FBXL13: variants seen among roughly 807,000 people sequenced by gnomAD.
FBXL13 encodes F-box and leucine rich repeat protein 13, also known as F-box and leucine-rich repeat protein 13.
A neutral mutation model predicts 83.6 loss-of-function variants in FBXL13; 67 were observed. That is an observed-to-expected ratio of 0.80 (90% CI 0.66 to 0.98). The LOEUF (loss-of-function observed/expected upper bound fraction) is 0.98. Ranked by LOEUF, FBXL13 falls within the 50% of genes least tolerant of loss-of-function variation. FBXL13 has a pLI of 0.00. For synonymous variants in FBXL13, 272 were observed against 299.5 expected, an observed-to-expected ratio of 0.91 and a Z score of 0.95; for missense variants, 822 against 866.5, an observed-to-expected ratio of 0.95 and a Z score of 0.64.
chr7:102,972,663 TA>T (rs1286532750), intron 6 of FBXL13, among the ~76,000 whole-genome samples: 1 of 151,860 alleles, frequency 6.6e-6, no homozygotes, highest in Admixed American at 6.6e-5. Flanking sequence ...TAAACGTTTT[TA>T]TTTTTTAAAA....
At chr7:102,819,439 C>T (rs1452073410) in intron 19 of FBXL13, among the ~76,000 whole-genome samples, 7 of 152,156 alleles carry the variant, frequency 4.6e-5, no homozygotes, top group Admixed American at 2.6e-4. Flanking sequence ...CCAATTTGCT[C>T]ATTGACCAAA....
chr7:103,011,787 G>A (rs1036398532), intron 6 of FBXL13, among the ~76,000 whole-genome samples: 2 of 151,866 alleles, frequency 1.3e-5, no homozygotes, highest in African/African-American at 4.8e-5. Flanking sequence ...TCAGTCAGAC[G>A]AAAATAAAGA....
chr7:102,879,370 G>A (rs1254321945), intron 14 of FBXL13, among the ~76,000 whole-genome samples: 2 of 152,086 alleles, frequency 1.3e-5, no homozygotes, highest in African/African-American at 4.8e-5. Flanking sequence ...TGGATGCGAT[G>A]CCTGTGTGCC....
chr7:102,843,604 G>A (rs375699416), intron 17 of FBXL13, among the ~76,000 whole-genome samples: 18 of 151,722 alleles, frequency 1.2e-4, no homozygotes, highest in Admixed American at 7.9e-4. Flanking sequence ...GCGAAACCCC[G>A]TCTCTACGAA....
chr7:102,918,471 G>A (rs1272184216), intron 10 of FBXL13, among the ~76,000 whole-genome samples: 1 of 152,144 alleles, frequency 6.6e-6, no homozygotes, highest in Admixed American at 6.5e-5. Flanking sequence ...TTCAATGTAT[G>A]ATTGAAAATA....
chr7:102,822,361 A>G (rs750178623), intron 18 of FBXL13, 158 bp from the exon 20 acceptor site: 11 of 764,950 alleles, frequency 1.4e-5, no homozygotes, highest in Non-Finnish European at 2.3e-5. Context: ...GAAGTCCAAG[A>G]CTGAGATAAA....
chr7:102,926,202 G>C (rs1271051302), intron 10 of FBXL13, 72 bp downstream of exon 11: 2 of 1,304,592 alleles, frequency 1.5e-6, no homozygotes, highest in Non-Finnish European at 2.1e-6. Flanking sequence ...TGCCCTTGCA[G>C]AATGCTAGAG....
chr7:103,025,963 C>A (rs1388029265), intron 5 of FBXL13, among the ~76,000 whole-genome samples: 2 of 151,110 alleles, frequency 1.3e-5, no homozygotes, highest in East Asian at 3.9e-4. Context: ...AAAAAAAGTT[C>A]TCTAAACACA....
At chr7:102,885,567 T>C (rs1048180206) in intron 11 of FBXL13, among the ~76,000 whole-genome samples, 4 of 152,182 alleles carry the variant, frequency 2.6e-5, no homozygotes. Flanking sequence ...TTCTGTAGGT[T>C]GTCTTCTCAT....
At chr7:102,832,532 T>TTTC (rs1800894438) in intron 18 of FBXL13, among the ~76,000 whole-genome samples, 1 of 152,266 alleles carries the variant, frequency 6.6e-6, no homozygotes, top group African/African-American at 2.4e-5. Context: ...CTACAAATAC[T>TTTC]AAGTTCATTC....
intron 6 of FBXL13, chr7:102,973,904 G>T (rs1827096872): frequency 1.5e-6 from 1 of 670,246 alleles, no homozygotes; most frequent in Non-Finnish European, 2.7e-6. Flanking sequence ...TCTGGTCTTA[G>T]GGGGACGCCT....
chr7:102,829,145 T>C (rs573355261), intron 18 of FBXL13, among the ~76,000 whole-genome samples: 92 of 152,236 alleles, frequency 6.0e-4, no homozygotes, highest in Non-Finnish European at 9.1e-4. Context: ...TACCCTCAGC[T>C]GCGGTGCAAG....
chr7:102,917,389 T>C (rs1209240972), intron 10 of FBXL13, among the ~76,000 whole-genome samples: 2 of 152,200 alleles, frequency 1.3e-5, no homozygotes, highest in Non-Finnish European at 2.9e-5. Context: ...TCATAATAGC[T>C]TTACTCAGCA....
chr7:103,060,193 A>G (rs1312325485), intron 1 of FBXL13, among the ~76,000 whole-genome samples: 2 of 150,678 alleles, frequency 1.3e-5, no homozygotes, highest in Non-Finnish European at 3.0e-5. Flanking sequence ...CCAAGGAGCT[A>G]GGACTACAGG....
At chr7:103,003,297 T>TG (rs1433614556) in intron 6 of FBXL13, among the ~76,000 whole-genome samples, 3 of 135,514 alleles carry the variant, frequency 2.2e-5, no homozygotes, top group African/African-American at 8.2e-5. Context: ...TTTTTTTTTT[T>TG]TTTTTTTTGA....
At chr7:102,817,916 T>G (rs1229699695) in intron 19 of FBXL13, among the ~76,000 whole-genome samples, 3 of 152,216 alleles carry the variant, frequency 2.0e-5, no homozygotes, top group Admixed American at 1.3e-4. Flanking sequence ...GGTGAGAGGT[T>G]TCTTTGGATC....
rs183512690 is a variant in FBXL13 at position 102,898,194 on chromosome 7, G to T, written c.1009-13882C>A. 1.0e-3 allele frequency among the ~76,000 whole-genome samples: 158 copies of T among 152,022 alleles called. 1 individual carries two copies. The highest frequency in any genetic ancestry group is 4.9e-4 in the Non-Finnish European group (33 of 67,984). ...CACACACACACATACATATATATGT[G>T]TATATATACACCCATGTATATATTG... On this transcript the variant is annotated intron_variant, in intron 11 of 19. Transcript: ENST00000313221.
intron 17 of FBXL13, among the ~76,000 whole-genome samples, chr7:102,834,087 A>AGG (rs60618094): frequency 0.22 from 12,406 of 57,212 alleles, 1,324 homozygotes; most frequent in East Asian, 0.43. Context: ...GAAGGAAAGA[A>AGG]AAGAAAGAAA....
intron 11 of FBXL13, among the ~76,000 whole-genome samples, chr7:102,885,165 T>C (rs1288308750): frequency 1.3e-5 from 2 of 152,214 alleles, no homozygotes; most frequent in East Asian, 3.8e-4. Context: ...AATTGCTGGA[T>C]CATATGGCAA....
Sources: allele counts gnomAD v4.1 joint callset (sites outside exome capture counted in the v4.1 genomes callset), GRCh38; gene constraint gnomAD v4.1.1; transcripts MANE v1.5; gene names NCBI Gene and HGNC (gene_info 2026-07-23, HGNC 2026-07-21).